The following RBFOX1 variants were observed in gnomAD, a reference collection of about 807,000 sequenced individuals.
RBFOX1 encodes RNA binding fox-1 homolog 1.
RBFOX1 carries 8 observed loss-of-function variants against 57.7 expected under a neutral mutation model. That is an observed-to-expected ratio of 0.14 (90% CI 0.08 to 0.25). RBFOX1 has a LOEUF of 0.25. Ranked by LOEUF, RBFOX1 falls within the 10% of genes least tolerant of loss-of-function variation. The pLI is 1.00. For synonymous variants in RBFOX1, 326 were observed against 222.4 expected (o/e 1.47, Z -4.15); for missense variants, 611 against 548.5 (o/e 1.11, Z -1.14).
intron 3 of RBFOX1, among the ~76,000 whole-genome samples, chr16:5,832,230 T>C (rs777629694): frequency 3.9e-5 from 6 of 152,198 alleles, no homozygotes; most frequent in Non-Finnish European, 2.9e-5. Flanking sequence ...GTAGCTCAGA[T>C]CATGCCCCAG....
At chr16:7,243,999 G>C (rs988336607) in intron 4 of RBFOX1, among the ~76,000 whole-genome samples, 2 of 151,906 alleles carry the variant, frequency 1.3e-5, no homozygotes, top group Non-Finnish European at 2.9e-5. Context: ...TTCCTGGAGA[G>C]AATGTTCATA....
At chr16:6,912,458 T>G (rs992909590) in intron 3 of RBFOX1, among the ~76,000 whole-genome samples, 1 of 152,174 alleles carries the variant, frequency 6.6e-6, no homozygotes, top group Non-Finnish European at 1.5e-5. Flanking sequence ...CAGGATCCTT[T>G]CCAGCCCTGC....
intron 4 of RBFOX1, among the ~76,000 whole-genome samples, chr16:7,354,241 G>A (rs956822181): frequency 7.9e-5 from 12 of 152,220 alleles, no homozygotes; most frequent in South Asian, 2.1e-4. Context: ...ACACTGCTGC[G>A]ATTACAGGTG....
At chr16:7,439,623 C>T (rs945822238) in intron 4 of RBFOX1, among the ~76,000 whole-genome samples, 1 of 152,174 alleles carries the variant, frequency 6.6e-6, no homozygotes, top group Non-Finnish European at 1.5e-5. Flanking sequence ...CCCAACGCTG[C>T]TCAGTTTTTC....
rs1312108862 is a variant in RBFOX1 at position 7,709,063 on chromosome 16, C to T, written c.1003C>T (p.Arg335Ter). The change falls in exon 15 of 16, where the codon CGA (arginine) becomes TGA (stop). Residue 335 changes from arginine to a stop codon, truncating the protein, a stop_gained. Coordinates refer to ENST00000550418, the MANE Select transcript of RBFOX1 (RefSeq NM_018723.4). LOFTEE classifies it high-confidence loss of function. ...CCTCTATTTTCCTTTCAGTTACGGA[C>T]GAGTTTATGCTGCCGACCCCTACCA... ...TAAAYSDSYGRVYAADPYHHA... is the reference protein window; with the variant it reads ...TAAAYSDSYG 2 of 1,613,336 alleles carry T rather than the reference C, an allele frequency of 1.2e-6. No individual in the cohort carries two copies. Among genetic ancestry groups the T allele is most frequent in the Non-Finnish European group, 1.7e-6 (2 of 1,179,394 alleles).
intron 1 of RBFOX1, among the ~76,000 whole-genome samples, chr16:6,175,591 A>G (rs924683281): frequency 6.6e-6 from 1 of 152,152 alleles, no homozygotes; most frequent in Non-Finnish European, 1.5e-5. Flanking sequence ...AGCTGTAGGA[A>G]CTAGTGTTTC....
At chr16:6,559,681 G>A (rs2097154037) in intron 2 of RBFOX1, among the ~76,000 whole-genome samples, 1 of 151,824 alleles carries the variant, frequency 6.6e-6, no homozygotes, top group South Asian at 2.1e-4. Flanking sequence ...TAAGTACATA[G>A]GTATATATCT....
intron 4 of RBFOX1, among the ~76,000 whole-genome samples, chr16:7,495,554 A>C (rs1310762731): frequency 6.6e-6 from 1 of 152,200 alleles, no homozygotes; most frequent in East Asian, 1.9e-4. Context: ...TTAGATGGGC[A>C]CATATTTCCC....
chr16:7,073,948 A>G (rs1247050242), intron 4 of RBFOX1, among the ~76,000 whole-genome samples: 1 of 152,210 alleles, frequency 6.6e-6, no homozygotes, highest in African/African-American at 2.4e-5. Context: ...GCCACAGTTT[A>G]TGAGACAGCT....
chr16:6,336,331 G>A (rs989353493), intron 2 of RBFOX1, among the ~76,000 whole-genome samples: 1 of 150,138 alleles, frequency 6.7e-6, no homozygotes, highest in Non-Finnish European at 1.5e-5. Flanking sequence ...GTGTAGCTGG[G>A]ACTATAGGCG....
At chr16:5,591,252 CTT>C (rs35415642) in intron 2 of RBFOX1, among the ~76,000 whole-genome samples, 48 of 141,490 alleles carry the variant, frequency 3.4e-4, no homozygotes, top group Middle Eastern at 7.2e-3. Flanking sequence ...CAAAATGAAC[CTT>C]TTTTTTTTTT....
chr16:7,314,314 G>A (rs564340292), intron 4 of RBFOX1, among the ~76,000 whole-genome samples: 1 of 152,310 alleles, frequency 6.6e-6, no homozygotes, highest in East Asian at 1.9e-4. Flanking sequence ...CACTTGCGGG[G>A]CCTGGTCGTG....
chr16:6,546,404 GC>G (rs1288095574), intron 2 of RBFOX1, among the ~76,000 whole-genome samples: 1 of 152,178 alleles, frequency 6.6e-6, no homozygotes, highest in East Asian at 1.9e-4. Flanking sequence ...GGGCCAAGGA[GC>G]CCAAAGTCAG....
chr16:6,079,459 G>A (rs1364528572), intron 1 of RBFOX1, among the ~76,000 whole-genome samples: 1 of 152,166 alleles, frequency 6.6e-6, no homozygotes, highest in East Asian at 1.9e-4. Context: ...CCACATGTGT[G>A]TGCCACCATG....
At chr16:6,915,649 C>A (rs2072969199) in intron 3 of RBFOX1, among the ~76,000 whole-genome samples, 1 of 147,808 alleles carries the variant, frequency 6.8e-6, no homozygotes, top group South Asian at 2.3e-4. Context: ...CTCTCGGGTT[C>A]AAGTGATCCT....
chr16:6,487,703 ATATATATATATATATATATATAT>A (rs2095533309), intron 2 of RBFOX1, among the ~76,000 whole-genome samples: 1 of 4,780 alleles, frequency 2.1e-4, no homozygotes, highest in Non-Finnish European at 4.0e-4. Context: ...AAAAAAAAAT[ATATATATATATATATATATATAT>A]ATATATATAT....
At chr16:7,081,435 A>C (rs1768590651) in intron 4 of RBFOX1, among the ~76,000 whole-genome samples, 1 of 151,930 alleles carries the variant, frequency 6.6e-6, no homozygotes, top group African/African-American at 2.4e-5. Context: ...TAACTTGGCC[A>C]CTCCTCATGG....
At chr16:6,238,599 G>A (rs1326844402) in intron 1 of RBFOX1, among the ~76,000 whole-genome samples, 5 of 152,052 alleles carry the variant, frequency 3.3e-5, no homozygotes, top group Admixed American at 2.6e-4. Flanking sequence ...CTTCAAATTC[G>A]AATCAGTTGG....
chr16:6,316,945 T>A (rs1347943890), intron 1 of RBFOX1, 50 bp from the exon 2 acceptor site: 3 of 1,494,060 alleles, frequency 2.0e-6, no homozygotes, highest in Non-Finnish European at 2.7e-6. Flanking sequence ...CGGACAAAAT[T>A]CAAGAATACA....
Sources: allele counts gnomAD v4.1 joint callset (sites outside exome capture counted in the v4.1 genomes callset), GRCh38; gene constraint gnomAD v4.1.1; transcripts MANE v1.5; gene names NCBI Gene and HGNC (gene_info 2026-07-23, HGNC 2026-07-21).